DLGAP2: variants seen among roughly 807,000 people sequenced by gnomAD.
The protein encoded by DLGAP2 is disks large-associated protein 2.
A neutral mutation model predicts 100.3 loss-of-function variants in DLGAP2; 26 were observed. That is an observed-to-expected ratio of 0.26 (90% CI 0.19 to 0.36). The LOEUF is 0.36. Among genes scored for constraint, DLGAP2 ranks in the 10% least tolerant of loss-of-function variants. The pLI is 1.00. For missense variants in DLGAP2, 1,858 were observed against 1,453.2 expected, an observed-to-expected ratio of 1.28 and a Z score of -4.53; for synonymous variants, 886 against 630.1, an observed-to-expected ratio of 1.41 and a Z score of -6.08.
chr8:1,298,722 A>T (rs1800254684), intron 3 of DLGAP2, among the ~76,000 whole-genome samples: 1 of 152,212 alleles, frequency 6.6e-6, no homozygotes, highest in Non-Finnish European at 1.5e-5. Context: ...GAGGGGAACT[A>T]GAATGTCAAA....
At chr8:1,009,951 T>C (rs1221545898) in intron 2 of DLGAP2, among the ~76,000 whole-genome samples, 1 of 152,244 alleles carries the variant, frequency 6.6e-6, no homozygotes, top group East Asian at 1.9e-4. Context: ...GCACAGTTGA[T>C]TGAAACAATG....
At chr8:960,237 C>CTTTTTTTTTTTTTTTTTTTTTTT (rs71528625) in intron 2 of DLGAP2, among the ~76,000 whole-genome samples, 1,999 of 44,576 alleles carry the variant, frequency 0.045, 836 homozygotes, top group Middle Eastern at 0.067. Context: ...TGAAGTATAT[C>CTTTTTTTTTTTTTTTTTTTTTTT]TTTTTTTTTT....
At chr8:1,043,992 C>G (rs949535440) in intron 2 of DLGAP2, among the ~76,000 whole-genome samples, 1 of 152,066 alleles carries the variant, frequency 6.6e-6, no homozygotes, top group Non-Finnish European at 1.5e-5. Context: ...CTGAAGCCCC[C>G]AGGACTTCCC....
At chr8:1,389,992 G>C (rs1025024013) in intron 3 of DLGAP2, among the ~76,000 whole-genome samples, 2 of 152,122 alleles carry the variant, frequency 1.3e-5, no homozygotes, top group African/African-American at 2.4e-5. Flanking sequence ...GCAGGCTCTC[G>C]TCTGCACCCA....
intron 3 of DLGAP2, among the ~76,000 whole-genome samples, chr8:1,340,980 G>A (rs1318216444): frequency 6.6e-6 from 1 of 152,158 alleles, no homozygotes; most frequent in African/African-American, 2.4e-5. Flanking sequence ...ACTAGTGCAG[G>A]AACAGATAAC....
chr8:893,126 G>A (rs533442955), intron 1 of DLGAP2: 105 of 152,356 alleles, frequency 6.9e-4, no homozygotes, highest in African/African-American at 2.5e-3. Context: ...GTTCGGAAGT[G>A]GAACCGAGGG....
chr8:1,543,404 T>C (rs1019652353), intron 4 of DLGAP2, among the ~76,000 whole-genome samples: 10 of 152,240 alleles, frequency 6.6e-5, no homozygotes, highest in African/African-American at 2.4e-4. Context: ...TTGTTTGGTG[T>C]GTAGAAATTG....
chr8:1,530,297 A>C (rs1368481893), intron 4 of DLGAP2, among the ~76,000 whole-genome samples: 2 of 152,148 alleles, frequency 1.3e-5, no homozygotes, highest in Non-Finnish European at 2.9e-5. Context: ...CCATGCTGAG[A>C]AAAAGAATTC....
At chr8:1,555,193 C>G (rs1186368717) in intron 5 of DLGAP2, among the ~76,000 whole-genome samples, 1 of 152,168 alleles carries the variant, frequency 6.6e-6, no homozygotes, top group Admixed American at 6.5e-5. Context: ...CCACTCTGGA[C>G]ACAGACGCAC....
intron 2 of DLGAP2, among the ~76,000 whole-genome samples, chr8:1,254,549 C>G (rs564892179): frequency 1.3e-5 from 2 of 152,276 alleles, no homozygotes; most frequent in South Asian, 2.1e-4. Context: ...GCAGCACTGA[C>G]TTTTTGTTTG....
chr8:1,416,497 T>G (rs1208496246), intron 3 of DLGAP2, among the ~76,000 whole-genome samples: 2 of 152,212 alleles, frequency 1.3e-5, no homozygotes, highest in Non-Finnish European at 2.9e-5. Flanking sequence ...TCCTGTTTCC[T>G]AAGTGAGGAC....
At chr8:1,115,064 G>T (rs758222275) in intron 2 of DLGAP2, among the ~76,000 whole-genome samples, 1 of 152,160 alleles carries the variant, frequency 6.6e-6, no homozygotes, top group Non-Finnish European at 1.5e-5. Flanking sequence ...GATTGTATTT[G>T]GCATGGTTTC....
At position 846,914 on chromosome 8, in the gene DLGAP2, A is replaced by G. The variant is rs186343721; in HGVS notation, c.19-60998A>G. Among the ~76,000 whole-genome samples, 690 of 152,300 alleles carry G rather than the reference A, an allele frequency of 4.5e-3. 1 individual carries two copies. Among genetic ancestry groups the G allele is most frequent in the Non-Finnish European group, 7.3e-3 (499 of 68,032 alleles). The stretch of plus-strand genomic sequence containing the variant: ...TGTTTTGTTTAGGGTTATTCTATCC[A>G]TCTTCAGACATGATACTAGCCTGTA... On this transcript the variant is annotated intron_variant, in intron 1 of 14. Transcript: ENST00000637795.
At position 1,033,845 on chromosome 8, in the gene DLGAP2, G is replaced by A. The variant is rs1394310748; in HGVS notation, c.73+125879G>A. On this transcript the variant is annotated intron_variant, in intron 2 of 14. Transcript: ENST00000637795. ...ATTCACACGCTCATCCCGGCCCCGC[G>A]TGTCACCGCGAGTGGGTTCACAGCC... 6.0e-5 allele frequency among the ~76,000 whole-genome samples: 8 copies of A among 133,292 alleles called. No individual in the cohort carries two copies. The Admixed American group carries it at 6.1e-4, about 10-fold the overall frequency. The allele number at this position is 133,292 out of a possible 152,430, so 87.4% of individuals were successfully genotyped here. A position where few individuals can be genotyped will look rare whatever the true frequency, so the allele number is the denominator to read the frequency against.
chr8:794,782 C>T (rs957034794), intron 1 of DLGAP2, among the ~76,000 whole-genome samples: 1 of 152,174 alleles, frequency 6.6e-6, no homozygotes, highest in African/African-American at 2.4e-5. Context: ...AACAGCTGGC[C>T]TGTGGGTGAA....
intron 3 of DLGAP2, among the ~76,000 whole-genome samples, chr8:1,317,822 G>C (rs1295499891): frequency 7.0e-6 from 1 of 142,114 alleles, no homozygotes; most frequent in African/African-American, 2.7e-5. Flanking sequence ...CGAGTGCAGC[G>C]TCTCTCCCAC....
chr8:1,507,466 C>G (rs1372999957), intron 4 of DLGAP2, among the ~76,000 whole-genome samples: 1 of 152,146 alleles, frequency 6.6e-6, no homozygotes, highest in Non-Finnish European at 1.5e-5. Flanking sequence ...GGAGCCCGCG[C>G]CCACCCAGAA....
chr8:1,337,171 G>C (rs1013151906), intron 3 of DLGAP2, among the ~76,000 whole-genome samples: 2 of 149,540 alleles, frequency 1.3e-5, no homozygotes, highest in Non-Finnish European at 2.9e-5. Flanking sequence ...TGGTGGTGAT[G>C]ATGATGATGG....
At chr8:1,181,734 A>G (rs1403408540) in intron 2 of DLGAP2, among the ~76,000 whole-genome samples, 1 of 152,166 alleles carries the variant, frequency 6.6e-6, no homozygotes, top group Admixed American at 6.5e-5. Context: ...AATTTGCAAT[A>G]CTGAAGCAAA....
Sources: gnomAD v4.1 joint callset for allele counts (sites outside exome capture counted in the v4.1 genomes callset) on GRCh38, gnomAD v4.1.1 for gene constraint, MANE v1.5 for transcripts, NCBI Gene and HGNC (gene_info 2026-07-23, HGNC 2026-07-21) for gene names.